The following CEP128 variants were observed in gnomAD, a reference collection of about 807,000 sequenced individuals.
CEP128 encodes centrosomal protein 128kDa.
In CEP128, 132 loss-of-function variants were observed where a neutral mutation model predicts 156.7. The observed-to-expected ratio is 0.84, with a 90% CI of 0.73 to 0.97. The LOEUF (loss-of-function observed/expected upper bound fraction) is 0.97. CEP128 is among the 50% of genes least tolerant of loss of function. The probability of loss-of-function intolerance (pLI) is 0.00; values close to 1 mark genes in which losing one functional copy is unlikely to be tolerated. For synonymous variants in CEP128, 469 were observed against 448.9 expected (o/e 1.04, Z -0.57); for missense variants, 1,252 against 1,281.9 (o/e 0.98, Z 0.36).
intron 19 of CEP128, among the ~76,000 whole-genome samples, chr14:80,684,977 TCA>T (rs1345159782): frequency 3.3e-5 from 5 of 152,048 alleles, no homozygotes; most frequent in African/African-American, 9.7e-5. Flanking sequence ...TATGCCAAAC[TCA>T]CAGTCAACAT....
chr14:80,634,599 T>C (rs1394839023), intron 19 of CEP128, among the ~76,000 whole-genome samples: 1 of 152,212 alleles, frequency 6.6e-6, no homozygotes, highest in African/African-American at 2.4e-5. Flanking sequence ...GTAACTAACA[T>C]GTTATTCTCC....
At chr14:80,837,006 C>A (rs538687742) in intron 11 of CEP128, among the ~76,000 whole-genome samples, 1 of 152,092 alleles carries the variant, frequency 6.6e-6, no homozygotes, top group Admixed American at 6.5e-5. Flanking sequence ...CAAATCAGAA[C>A]GGAATTAAAT....
At chr14:80,664,306 A>T (rs1370777537) in intron 19 of CEP128, among the ~76,000 whole-genome samples, 1 of 152,166 alleles carries the variant, frequency 6.6e-6, no homozygotes, top group African/African-American at 2.4e-5. Flanking sequence ...GGTCAAACTC[A>T]ACCCTTTGCA....
chr14:80,735,945 G>A (rs73340504), intron 19 of CEP128, among the ~76,000 whole-genome samples: 1,815 of 152,062 alleles, frequency 0.012, 38 homozygotes, highest in African/African-American at 0.041. Flanking sequence ...GATAATACAG[G>A]ATAATCTCAT....
At chr14:80,518,836 A>G (rs193290744) in intron 23 of CEP128, among the ~76,000 whole-genome samples, 1 of 152,340 alleles carries the variant, frequency 6.6e-6, no homozygotes, top group African/African-American at 2.4e-5. Context: ...CCTTGAAACA[A>G]AACTAGCCAA....
intron 14 of CEP128, among the ~76,000 whole-genome samples, chr14:80,481,191 T>G (rs1232942393): frequency 6.6e-6 from 1 of 152,142 alleles, no homozygotes; most frequent in East Asian, 1.9e-4. Flanking sequence ...GAGGTTTAAC[T>G]GGACTTACAG....
intron 21 of CEP128, among the ~76,000 whole-genome samples, chr14:80,549,737 A>G (rs1890134622): frequency 6.6e-6 from 1 of 152,230 alleles, no homozygotes; most frequent in South Asian, 2.1e-4. Flanking sequence ...TAAGTGCCCT[A>G]GAGCACAATT....
chr14:80,510,248 A>G (rs548573452), intron 23 of CEP128, among the ~76,000 whole-genome samples: 1 of 152,214 alleles, frequency 6.6e-6, no homozygotes, highest in South Asian at 2.1e-4. Context: ...ACAATCCATG[A>G]CCATAAAATA....
intron 19 of CEP128, among the ~76,000 whole-genome samples, chr14:80,712,539 C>T (rs1897451872): frequency 6.6e-6 from 1 of 152,170 alleles, no homozygotes; most frequent in South Asian, 2.1e-4. Flanking sequence ...TGCACATGGG[C>T]TCTGGCAGCT....
intron 19 of CEP128, among the ~76,000 whole-genome samples, chr14:80,685,635 G>A (rs544255764): frequency 1.3e-4 from 20 of 152,052 alleles, no homozygotes; most frequent in African/African-American, 2.9e-4. Context: ...GAACCAAAGC[G>A]AAGCCCAAAC....
At chr14:80,874,769 C>T (rs1363620877) in intron 8 of CEP128, among the ~76,000 whole-genome samples, 6 of 152,246 alleles carry the variant, frequency 3.9e-5, no homozygotes, top group African/African-American at 1.4e-4. Flanking sequence ...AGGCGCCCAC[C>T]GCCATGCCTG....
intron 19 of CEP128, among the ~76,000 whole-genome samples, chr14:80,698,019 A>G (rs976823702): frequency 2.0e-5 from 3 of 152,000 alleles, no homozygotes; most frequent in Non-Finnish European, 2.9e-5. Context: ...TAAAATATAG[A>G]CCTTAAAGTT....
intron 19 of CEP128, among the ~76,000 whole-genome samples, chr14:80,581,089 A>G (rs1891572657): frequency 6.6e-6 from 1 of 152,222 alleles, no homozygotes; most frequent in African/African-American, 2.4e-5. Flanking sequence ...TAATGCATGT[A>G]TACAGCCATG....
chr14:80,764,963 C>T (rs1462739073), intron 16 of CEP128, among the ~76,000 whole-genome samples: 2 of 152,200 alleles, frequency 1.3e-5, no homozygotes, highest in African/African-American at 2.4e-5. Context: ...GTAAGCTCTT[C>T]CACACCATAC....
intron 2 of CEP128, among the ~76,000 whole-genome samples, chr14:80,919,971 G>T (rs1884767232): frequency 6.6e-6 from 1 of 152,060 alleles, no homozygotes; most frequent in Admixed American, 6.5e-5. Context: ...AATTTGCATG[G>T]CTTTTTTTAA....
At chr14:80,635,977 T>C (rs1894165834) in intron 19 of CEP128, among the ~76,000 whole-genome samples, 1 of 152,212 alleles carries the variant, frequency 6.6e-6, no homozygotes, top group Non-Finnish European at 1.5e-5. Context: ...TTGGGTCCCA[T>C]CCCTGAGATT....
At chr14:80,552,447 A>G (rs1178622495) in intron 21 of CEP128, among the ~76,000 whole-genome samples, 1 of 152,212 alleles carries the variant, frequency 6.6e-6, no homozygotes, top group African/African-American at 2.4e-5. Flanking sequence ...AACATGCTGT[A>G]ATTTACCAGC....
At chr14:80,678,407 C>A (rs1375580037) in intron 19 of CEP128, among the ~76,000 whole-genome samples, 1 of 148,788 alleles carries the variant, frequency 6.7e-6, no homozygotes, top group African/African-American at 2.5e-5. Flanking sequence ...TCAGAATAAA[C>A]AATTACTTGT....
intron 8 of CEP128, among the ~76,000 whole-genome samples, chr14:80,874,100 A>G (rs988633572): frequency 6.6e-6 from 1 of 152,172 alleles, no homozygotes; most frequent in Non-Finnish European, 1.5e-5. Context: ...CACAAGATGT[A>G]TATCTATATA....
Sources: gnomAD v4.1 joint callset for allele counts (sites outside exome capture counted in the v4.1 genomes callset) on GRCh38, gnomAD v4.1.1 for gene constraint, MANE v1.5 for transcripts, NCBI Gene and HGNC (gene_info 2026-07-23, HGNC 2026-07-21) for gene names.